DONSON: variants seen among roughly 807,000 people sequenced by gnomAD.
The protein encoded by DONSON is protein downstream neighbor of Son.
In DONSON, 43 loss-of-function variants were observed where a neutral mutation model predicts 62.1. That is an observed-to-expected ratio of 0.69 (90% confidence interval 0.54 to 0.89). DONSON has a LOEUF of 0.89. Ranked by LOEUF, DONSON falls within the 40% of genes least tolerant of loss-of-function variation. The probability of loss-of-function intolerance (pLI) is 0.00; values close to 1 mark genes in which losing one functional copy is unlikely to be tolerated. For synonymous variants in DONSON, 266 were observed against 264.6 expected, an observed-to-expected ratio of 1.01 and a Z score of -0.05; for missense variants, 696 against 697.5, an observed-to-expected ratio of 1.00 and a Z score of 0.03.
Position 33,586,077 on chromosome 21 carries a change from T to C in DONSON, c.507A>G (p.Gln169=). The C allele has an allele frequency of 2.5e-6, 4 of 1,614,122 alleles. No individual in the cohort carries two copies. Among genetic ancestry groups the C allele is most frequent in the Non-Finnish European group, 3.4e-6 (4 of 1,180,032 alleles). ...TCAAATGATCTGCCCAGGTAAAGGG[T>C]TGAGAAGAGGTGAAAAGGAGTCGCG... is the stretch of plus-strand genomic sequence containing the variant. ...IKTRLLFTSS[Q]PFTWADHLKA... Residue 169 remains glutamine (Q), a synonymous_variant, in exon 3 of 10, where the codon CAA becomes CAG. Transcript: ENST00000303071.
rs552034893 is a variant in DONSON, at chr21:33,583,200, C to CAAAAAAAAAAAAAAAAAAA, written c.964+269_964+287dup. Among the ~76,000 whole-genome samples the CAAAAAAAAAAAAAAAAAAA allele has an allele frequency of 7.7e-3, 455 of 58,844 alleles. 22 individuals are homozygous for CAAAAAAAAAAAAAAAAAAA. The highest frequency in any genetic ancestry group is 0.011 in the African/African-American group (123 of 11,010). The allele number at this position is 58,844 out of a possible 152,430, so 38.6% of individuals were successfully genotyped here. A position where few individuals can be genotyped will look rare whatever the true frequency, so the allele number is the denominator to read the frequency against. ...TGGGTGACAGAGCGAGTCTCCATCT[C>CAAAAAAAAAAAAAAAAAAA]AAAAAAAAAAAAAAAAAAAAAAAAA... On this transcript the variant is annotated intron_variant, in intron 5 of 9. Transcript: ENST00000303071.
chr21:33,580,796 C>A (rs1035990940), intron 8 of DONSON, among the ~76,000 whole-genome samples: 1 of 151,976 alleles, frequency 6.6e-6, no homozygotes, highest in Non-Finnish European at 1.5e-5. Context: ...GCAGAAGAAT[C>A]GCTTGAACCC....
chr21:33,579,303 T>TTC (rs745456322), intron 9 of DONSON, 47 bp downstream of exon 9: 1 of 1,410,264 alleles, frequency 7.1e-7, no homozygotes, highest in Non-Finnish European at 9.5e-7. Context: ...TCCAGCTAGT[T>TTC]TGAGGAAACT....
rs1206951293 is a variant in DONSON, at chr21:33,582,191, T to C, written c.1020A>G (p.Ala340=). The C allele has an allele frequency of 3.1e-6, 5 of 1,614,020 alleles. No homozygotes were observed. The highest frequency in any genetic ancestry group is 4.2e-6 in the Non-Finnish European group (5 of 1,180,010). Residue 340 remains alanine, a synonymous_variant, in exon 6 of 10, where the codon GCA becomes GCG. Coordinates refer to ENST00000303071, the MANE Select transcript of DONSON (RefSeq NM_017613.4). ...CCCCATATCCCAAGCTTGTTCCAGA[T>C]GCTGTCTCCTTCTTATGGCCACTTT... is the stretch of plus-strand genomic sequence containing the variant. The part of the protein sequence containing the change: ...IKESGHKKET[A]SGTSLGYGEE...
At chr21:33,582,476 G>A (rs17646111) in intron 5 of DONSON, among the ~76,000 whole-genome samples, 34,462 of 152,038 alleles carry the variant, frequency 0.23, 4,144 homozygotes, top group Non-Finnish European at 0.26. Context: ...AAATCATATT[G>A]TATTCCAGTT....
chr21:33,588,598 G>T lies in DONSON; in HGVS notation c.44C>A (p.Pro15Gln). Residue 15 changes from proline to glutamine, a missense_variant, in exon 1 of 10, where the codon CCG (proline) becomes CAG (glutamine). Coordinates refer to ENST00000303071, the MANE Select transcript of DONSON (RefSeq NM_017613.4). ...CCGTCGGAGCCGCACTACCTCGGGC[G>T]GCTTTCGGAAGCCCGGTGAGTAGCC... ...VPGYSPGFRK[P>Q]PEVVRLRRKR... The T allele has an allele frequency of 8.0e-7, 1 of 1,250,160 alleles. No individual in the cohort carries two copies. 77.4% of individuals were successfully genotyped at this position (1,250,160 alleles called of 1,614,324 possible).
chr21:33,588,347 G>A lies in DONSON; in HGVS notation c.295C>T (p.Arg99Cys), dbSNP rs755238849. 11 of 1,293,450 alleles carry A rather than the reference G, an allele frequency of 8.5e-6. No homozygotes were observed. The highest frequency in any genetic ancestry group is 3.1e-5 in the African/African-American group (2 of 65,386). The allele number at this position is 1,293,450 out of a possible 1,614,324, so 80.1% of individuals were successfully genotyped here. The change falls in exon 1 of 10, where the codon CGC becomes TGC. Residue 99 changes from arginine (R) to cysteine (C), a missense_variant. Arg to Cys is a radical substitution (Grantham distance 180). Coordinates refer to ENST00000303071, the MANE Select transcript of DONSON (RefSeq NM_017613.4). ...GGGACCGGGGCCTCCGGCTGCTCGC[G>A]GGCCGGCCCGTCGGGGGGCTCCGCG... The part of the protein sequence containing the change: ...VAAEPPDGPA[R>C]EQPEAPVPFL...
chr21:33,584,835 A>G (rs138556167), intron 3 of DONSON, 67 bp from the exon 4 acceptor site: 12 of 1,287,870 alleles, frequency 9.3e-6, no homozygotes, highest in South Asian at 2.0e-5. Flanking sequence ...ATTAAAGACA[A>G]TCTTTACCAA....
chr21:33,587,441 G>A, intron 2 of DONSON, 81 bp downstream of exon 2: 3 of 1,463,228 alleles, frequency 2.1e-6, no homozygotes, highest in Non-Finnish European at 2.7e-6. Context: ...AAGTATAAAT[G>A]TATTTTTAAA....
At chr21:33,586,853 T>G (rs1383387718) in intron 2 of DONSON, among the ~76,000 whole-genome samples, 1 of 144,290 alleles carries the variant, frequency 6.9e-6, no homozygotes, top group African/African-American at 2.9e-5. Context: ...GGCCAGGCTG[T>G]TCGCGAACTC....
intron 3 of DONSON, among the ~76,000 whole-genome samples, chr21:33,585,387 ATTTTTTTTT>A (rs773327167): frequency 1.8e-5 from 2 of 109,820 alleles, no homozygotes; most frequent in Non-Finnish European, 3.5e-5. Context: ...TGCTCAGCTA[ATTTTTTTTT>A]TTTTTTTTTT....
chr21:33,585,714 T>C (rs1172471989), intron 3 of DONSON, among the ~76,000 whole-genome samples: 3 of 151,750 alleles, frequency 2.0e-5, no homozygotes, highest in African/African-American at 4.8e-5. Context: ...TAGAGAAAAA[T>C]AATTTAACAA....
Position 33,588,624 on chromosome 21 carries a change from G to C in DONSON, c.18C>G (p.Pro6=), listed in dbSNP as rs756513609. The C allele has an allele frequency of 1.3e-4, 164 of 1,242,386 alleles. No individual in the cohort carries two copies. Among genetic ancestry groups the C allele is most frequent in the Non-Finnish European group, 1.6e-4 (159 of 992,498 alleles). The allele number at this position is 1,242,386 out of a possible 1,614,324, so 77.0% of individuals were successfully genotyped here. The change falls in exon 1 of 10, where the codon CCC becomes CCG. Residue 6 remains proline, a synonymous_variant. Coordinates refer to ENST00000303071, the MANE Select transcript of DONSON (RefSeq NM_017613.4). ...GCTTTCGGAAGCCCGGTGAGTAGCC[G>C]GGCACCGAAAGGGCCATGACGCGCG... MALSV[P]GYSPGFRKPP... is the part of the protein sequence containing the mutation.
chr21:33,585,597 T>C (rs1339350413), intron 3 of DONSON, among the ~76,000 whole-genome samples: 1 of 152,050 alleles, frequency 6.6e-6, no homozygotes, highest in Admixed American at 6.6e-5. Context: ...ACAAAATTCA[T>C]AAAATTTTTC....
intron 1 of DONSON, 120 bp downstream of exon 1, chr21:33,588,201 G>A (rs1037751455): frequency 3.5e-6 from 3 of 861,326 alleles, no homozygotes; most frequent in Non-Finnish European, 4.6e-6. Context: ...GCCACGGGCG[G>A]CCGAAGTCTT....
intron 1 of DONSON, 35 bp from the exon 2 acceptor site, chr21:33,587,637 G>A: frequency 1.4e-6 from 2 of 1,465,532 alleles, no homozygotes; most frequent in Non-Finnish European, 9.3e-7. Context: ...AAAATTTAAA[G>A]GATGCTGAAG....
At chr21:33,579,320 AAAAC>A (rs1354553742) in intron 9 of DONSON, 26 bp downstream of exon 9, 1 of 1,475,214 alleles carries the variant, frequency 6.8e-7, no homozygotes, top group South Asian at 1.5e-5. Flanking sequence ...AACTACAACT[AAAAC>A]AGTCTGCTCA....
At chr21:33,578,577 T>C (rs1453937216) in intron 9 of DONSON, 133 bp from the exon 10 acceptor site, 3 of 1,037,346 alleles carry the variant, frequency 2.9e-6, no homozygotes, top group African/African-American at 3.3e-5. Context: ...AAGTTGATGC[T>C]AAGAATTTTT....
intron 1 of DONSON, among the ~76,000 whole-genome samples, 192 bp downstream of exon 1, chr21:33,588,129 A>G (rs933220120): frequency 4.0e-5 from 6 of 151,724 alleles, no homozygotes; most frequent in African/African-American, 1.5e-4. Context: ...TAGCCAGGGG[A>G]GCGCTCTTCC....
Sources: gnomAD v4.1 joint callset for allele counts (sites outside exome capture counted in the v4.1 genomes callset) on GRCh38, gnomAD v4.1.1 for gene constraint, MANE v1.5 for transcripts, NCBI Gene and HGNC (gene_info 2026-07-23, HGNC 2026-07-21) for gene names.